RXFP4: variants seen among roughly 807,000 people sequenced by gnomAD.
The protein encoded by RXFP4 is relaxin family peptide/INSL5 receptor 4.
For synonymous variants in RXFP4, 182 were observed against 218.0 expected (o/e 0.83, Z 1.45); for missense variants, 425 against 491.3 (o/e 0.87, Z 1.28).
Position 155,942,839 on chromosome 1 carries a change from C to A in RXFP4, c.*5C>A, listed in dbSNP as rs1202052632. 1 of 1,503,346 alleles carries A rather than the reference C, an allele frequency of 6.7e-7. No individual in the cohort carries two copies. Among genetic ancestry groups the A allele is most frequent in the East Asian group, 2.3e-5 (1 of 43,796 alleles). 93.1% of individuals were successfully genotyped at this position (1,503,346 alleles called of 1,614,324 possible). ...GACAGAGGGACACCCGGGTGAAGGG[C>A]GCAAGCTGAACACACTCCTCTTTCT... On this transcript the variant is annotated 3_prime_UTR_variant, in exon 1 of 1. Coordinates refer to ENST00000368318, the MANE Select transcript of RXFP4 (RefSeq NM_181885.3). This position sits in a 1 kb window ranked among gnomAD's most constrained non-coding sequence, Gnocchi z 5.2.
Position 155,942,335 on chromosome 1 carries a change from T to C in RXFP4, c.626T>C (p.Val209Ala). 1 of 1,563,638 alleles carries C rather than the reference T, an allele frequency of 6.4e-7. No homozygotes were observed. Among genetic ancestry groups the C allele is most frequent in the Non-Finnish European group, 8.7e-7 (1 of 1,151,658 alleles). The change falls in exon 1 of 1, where the codon GTG (valine) becomes GCG (alanine). Residue 209 changes from valine to alanine, a missense_variant. Val to Ala is a moderately conservative substitution (Grantham distance 64). Transcript: ENST00000368318. This position sits in a 1 kb window ranked among gnomAD's most constrained non-coding sequence, Gnocchi z 5.2. ...CTGGGGGCCTACCAGCTGCAGAGGG[T>C]GGTGCTGGCTTTCATGGTGCCCTTG... ...YWLGAYQLQR[V>A]VLAFMVPLGV...
Position 155,941,987 on chromosome 1 carries a change from C to A in RXFP4, c.278C>A (p.Thr93Asn), listed in dbSNP as rs1327544871. 6.2e-7 allele frequency: 1 copy of A among 1,613,978 alleles called. No individual in the cohort carries two copies. Among genetic ancestry groups the A allele is most frequent in the Admixed American group, 1.7e-5 (1 of 60,032 alleles). The change falls in exon 1 of 1, where the codon ACT becomes AAT. Residue 93 changes from threonine to asparagine, a missense_variant. Physicochemically the swap from Thr to Asn is moderately conservative, Grantham distance 65. Coordinates refer to ENST00000368318, the MANE Select transcript of RXFP4 (RefSeq NM_181885.3). Reference sequence around the variant, plus strand: ...CTGGCGGACCTGGGACTGGCACTCACTCTCCCCTTTTGGGCAGCCGAGTCG... The same window carrying A: ...CTGGCGGACCTGGGACTGGCACTCAATCTCCCCTTTTGGGCAGCCGAGTCG... ...LALADLGLAL[T>N]LPFWAAESAL...
rs1336010975 is a variant in RXFP4 at position 155,941,696 on chromosome 1, T to C, written c.-14T>C. 6.2e-7 allele frequency: 1 copy of C among 1,610,884 alleles called. No individual in the cohort carries two copies. The highest frequency in any genetic ancestry group is 8.5e-7 in the Non-Finnish European group (1 of 1,177,812). On this transcript the variant is annotated 5_prime_UTR_variant, in exon 1 of 1. Transcript: ENST00000368318. Reference sequence around the variant, plus strand: ...ACCTCTCTTCTCAGCACCACCAATCTCTGATGCCCTGCGATGCCCACACTC... The same window carrying C: ...ACCTCTCTTCTCAGCACCACCAATCCCTGATGCCCTGCGATGCCCACACTC...
rs369923925 is a variant in RXFP4 at position 155,942,066 on chromosome 1, G to T, written c.357G>T (p.Thr119=). The T allele has an allele frequency of 6.2e-6, 10 of 1,611,066 alleles. No individual in the cohort carries two copies. The African/African-American group carries it at 1.2e-4, about 19-fold the overall frequency. The change falls in exon 1 of 1, where the codon ACG becomes ACT. Residue 119 remains threonine, a synonymous_variant. Transcript: ENST00000368318. The surrounding 1 kb of genome is among the most constrained non-coding windows in gnomAD (Gnocchi z 5.2). ...FGGALCKMVL[T]ATVLNVYASI... ...GTGCCCTCTGCAAGATGGTTCTGAC[G>T]GCCACTGTCCTCAACGTCTATGCCA... is the stretch of plus-strand genomic sequence containing the variant.
At position 155,941,733 on chromosome 1, in the gene RXFP4, C is replaced by G. The variant is rs758715606; in HGVS notation, c.24C>G (p.Ala8=). 6.2e-7 allele frequency: 1 copy of G among 1,614,180 alleles called. No homozygotes were observed. Among genetic ancestry groups the G allele is most frequent in the South Asian group, 1.1e-5 (1 of 91,088 alleles). MPTLNTS[A]SPPTFFWANA... Reference sequence around the variant, plus strand: ...CGATGCCCACACTCAATACTTCTGCCTCTCCACCCACATTCTTCTGGGCCA... The same window carrying G: ...CGATGCCCACACTCAATACTTCTGCGTCTCCACCCACATTCTTCTGGGCCA... The change falls in exon 1 of 1, where the codon GCC becomes GCG. Residue 8 remains alanine (A), a synonymous_variant. Transcript: ENST00000368318.
rs201264364 is a variant in RXFP4, at chr1:155,942,446, G to T, written c.737G>T (p.Arg246Leu). Residue 246 changes from arginine (R) to leucine (L), a missense_variant, in exon 1 of 1, where the codon CGC becomes CTC. Physicochemically the swap from Arg to Leu is moderately radical, Grantham distance 102 (BLOSUM62 -2). Transcript: ENST00000368318. The surrounding 1 kb of genome is among the most constrained non-coding windows in gnomAD (Gnocchi z 5.2). ...CGGCAGGACAGCAGGGTCGTGGCCC[G>T]CTCTGTCCGCATCCTGGTGGCTTCC... is the stretch of plus-strand genomic sequence containing the variant. ...RRRQDSRVVA[R>L]SVRILVASFF... is the part of the protein sequence containing the mutation. The T allele has an allele frequency of 6.3e-7, 1 of 1,583,882 alleles. No homozygotes were observed. The highest frequency in any genetic ancestry group is 1.7e-5 in the Admixed American group (1 of 58,384).
At position 155,942,429 on chromosome 1, in the gene RXFP4, C is replaced by G. The variant is rs1279643036; in HGVS notation, c.720C>G (p.Asp240Glu). 3 of 1,565,754 alleles carry G rather than the reference C, an allele frequency of 1.9e-6. No individual in the cohort carries two copies. Among genetic ancestry groups the G allele is most frequent in the Non-Finnish European group, 2.6e-6 (3 of 1,153,098 alleles). ...FLQRRQRRRQ[D>E]SRVVARSVRI... Reference sequence around the variant, plus strand: ...AGCGGCGGCAACGGCGGCGGCAGGACAGCAGGGTCGTGGCCCGCTCTGTCC... The same window carrying G: ...AGCGGCGGCAACGGCGGCGGCAGGAGAGCAGGGTCGTGGCCCGCTCTGTCC... Residue 240 changes from aspartate (D) to glutamate (E), a missense_variant, in exon 1 of 1, where the codon GAC becomes GAG. Coordinates refer to ENST00000368318, the MANE Select transcript of RXFP4 (RefSeq NM_181885.3). The surrounding 1 kb of genome is among the most constrained non-coding windows in gnomAD (Gnocchi z 5.2).
Position 155,942,236 on chromosome 1 carries a change from C to T in RXFP4, c.527C>T (p.Thr176Ile), listed in dbSNP as rs1218566562. Reference sequence around the variant, plus strand: ...GCGGCTGCCCTGGTGACGGTGCCCACAGCTGTCTTCGGGGTGGAGGGTGAG... The same window carrying T: ...GCGGCTGCCCTGGTGACGGTGCCCATAGCTGTCTTCGGGGTGGAGGGTGAG... ...WAAAALVTVP[T>I]AVFGVEGEVC... The change falls in exon 1 of 1, where the codon ACA (threonine) becomes ATA (isoleucine). Residue 176 changes from threonine (T) to isoleucine (I), a missense_variant. Coordinates refer to ENST00000368318, the MANE Select transcript of RXFP4 (RefSeq NM_181885.3). This position sits in a 1 kb window ranked among gnomAD's most constrained non-coding sequence, Gnocchi z 5.2. The T allele has an allele frequency of 1.2e-6, 2 of 1,613,708 alleles. No homozygotes were observed. Among genetic ancestry groups the T allele is most frequent in the Non-Finnish European group, 1.7e-6 (2 of 1,179,996 alleles).
chr1:155,941,860 G>T lies in RXFP4; in HGVS notation c.151G>T (p.Ala51Ser). ...MVALAYGLVG[A>S]IGLLGNLAVL... ...TGCCCTGGCCTATGGGCTTGTGGGG[G>T]CCATTGGCTTGCTGGGAAATTTGGC... The change falls in exon 1 of 1, where the codon GCC becomes TCC. Residue 51 changes from alanine (A) to serine (S), a missense_variant. Physicochemically the swap from Ala to Ser is moderately conservative, Grantham distance 99 (BLOSUM62 1). Coordinates refer to ENST00000368318, the MANE Select transcript of RXFP4 (RefSeq NM_181885.3). The T allele has an allele frequency of 6.2e-7, 1 of 1,614,204 alleles. No individual in the cohort carries two copies. Among genetic ancestry groups the T allele is most frequent in the South Asian group, 1.1e-5 (1 of 91,082 alleles).
In RXFP4 at chr1:155,942,007, G is replaced by A. The variant is rs371453354; in HGVS notation, c.298G>A (p.Glu100Lys). The A allele has an allele frequency of 1.6e-5, 26 of 1,613,060 alleles. No individual in the cohort carries two copies. Among genetic ancestry groups the A allele is most frequent in the East Asian group, 8.9e-5 (4 of 44,898 alleles). Residue 100 changes from glutamate to lysine, a missense_variant, in exon 1 of 1, where the codon GAG becomes AAG. Transcript: ENST00000368318. The surrounding 1 kb of genome is among the most constrained non-coding windows in gnomAD (Gnocchi z 5.2). ...ACTCACTCTCCCCTTTTGGGCAGCC[G>A]AGTCGGCACTGGACTTTCACTGGCC... ...LALTLPFWAA[E>K]SALDFHWPFG...
Position 155,942,107 on chromosome 1 carries a change from C to T in RXFP4, c.398C>T (p.Thr133Ile). ...GTCTATGCCAGCATCTTCCTCATCA[C>T]AGCGCTGAGCGTTGCTCGCTACTGG... ...LNVYASIFLI[T>I]ALSVARYWVV... is the part of the protein sequence containing the mutation. The change falls in exon 1 of 1, where the codon ACA (threonine) becomes ATA (isoleucine). Residue 133 changes from threonine (T) to isoleucine (I), a missense_variant. By Grantham distance (89) the Thr-to-Ile change is moderately conservative. Transcript: ENST00000368318. This position sits in a 1 kb window ranked among gnomAD's most constrained non-coding sequence, Gnocchi z 5.2. 6.2e-7 allele frequency: 1 copy of T among 1,612,722 alleles called. No homozygotes were observed. Among genetic ancestry groups the T allele is most frequent in the Non-Finnish European group, 8.5e-7 (1 of 1,179,844 alleles).
rs1572020349 is a variant in RXFP4 at position 155,942,731 on chromosome 1, A to G, written c.1022A>G (p.Gln341Arg). Reference sequence around the variant, plus strand: ...CCCCAGGGCGGAGGCTGGGTGCAACAGGTGGCCCTAAAGCAGGTAGGCAGG... The same window carrying G: ...CCCCAGGGCGGAGGCTGGGTGCAACGGGTGGCCCTAAAGCAGGTAGGCAGG... ...LWPQGGGWVQ[Q>R]VALKQVGRRW... Residue 341 changes from glutamine to arginine, a missense_variant, in exon 1 of 1, where the codon CAG becomes CGG. Gln to Arg is a conservative substitution (Grantham distance 43, BLOSUM62 1). Transcript: ENST00000368318. The surrounding 1 kb of genome is among the most constrained non-coding windows in gnomAD (Gnocchi z 5.2). 1 of 1,603,782 alleles carries G rather than the reference A, an allele frequency of 6.2e-7. No individual in the cohort carries two copies. The highest frequency in any genetic ancestry group is 2.2e-5 in the East Asian group (1 of 44,844).
rs773730817 is a variant in RXFP4, at chr1:155,942,228, G to A, written c.519G>A (p.Thr173=). The change falls in exon 1 of 1, where the codon ACG becomes ACA. Residue 173 remains threonine (T), a synonymous_variant. Coordinates refer to ENST00000368318, the MANE Select transcript of RXFP4 (RefSeq NM_181885.3). This position sits in a 1 kb window ranked among gnomAD's most constrained non-coding sequence, Gnocchi z 5.2. ...LAVWAAAALV[T]VPTAVFGVEG... Reference sequence around the variant, plus strand: ...TGTGGGCGGCGGCTGCCCTGGTGACGGTGCCCACAGCTGTCTTCGGGGTGG... The same window carrying A: ...TGTGGGCGGCGGCTGCCCTGGTGACAGTGCCCACAGCTGTCTTCGGGGTGG... The A allele has an allele frequency of 2.0e-5, 32 of 1,613,758 alleles. No individual in the cohort carries two copies. The highest frequency in any genetic ancestry group is 1.8e-4 in the Admixed American group (11 of 59,984).
rs1674334025 is a variant in RXFP4, at chr1:155,942,565, A to G, written c.856A>G (p.Ile286Val). 2 of 1,614,148 alleles carry G rather than the reference A, an allele frequency of 1.2e-6. No homozygotes were observed. Among genetic ancestry groups the G allele is most frequent in the South Asian group, 1.1e-5 (1 of 91,088 alleles). ...GCCCTGGAACAGTACTTTCTATACT[A>G]TCCAGACGTATGTCTTCCCTGTCAC... ...LVPWNSTFYT[I>V]QTYVFPVTTC... is the part of the protein sequence containing the mutation. Residue 286 changes from isoleucine (I) to valine (V), a missense_variant, in exon 1 of 1, where the codon ATC becomes GTC. Ile to Val is a conservative substitution (Grantham distance 29). Transcript: ENST00000368318. The surrounding 1 kb of genome is among the most constrained non-coding windows in gnomAD (Gnocchi z 5.2).
rs746068181 is a variant in RXFP4, at chr1:155,941,920, G to A, written c.211G>A (p.Ala71Thr). Residue 71 changes from alanine (A) to threonine (T), a missense_variant, in exon 1 of 1, where the codon GCC becomes ACC. By Grantham distance (58) the Ala-to-Thr change is moderately conservative. Transcript: ENST00000368318. The part of the protein sequence containing the change: ...LWVLSNCARR[A>T]PGPPSDTFVF... ...GGTACTGAGTAACTGTGCCCGGAGA[G>A]CCCCTGGCCCACCTTCAGACACCTT... 6.8e-6 allele frequency: 11 copies of A among 1,614,074 alleles called. No individual in the cohort carries two copies. The highest frequency in any genetic ancestry group is 9.3e-6 in the Non-Finnish European group (11 of 1,180,038).
chr1:155,942,959 C>A lies in RXFP4; in HGVS notation c.*125C>A. 1 of 947,420 alleles carries A rather than the reference C, an allele frequency of 1.1e-6. No homozygotes were observed. Among genetic ancestry groups the A allele is most frequent in the Non-Finnish European group, 1.5e-6 (1 of 673,084 alleles). 58.7% of individuals were successfully genotyped at this position (947,420 alleles called of 1,614,324 possible). On this transcript the variant is annotated 3_prime_UTR_variant, in exon 1 of 1. Coordinates refer to ENST00000368318, the MANE Select transcript of RXFP4 (RefSeq NM_181885.3). This position sits in a 1 kb window ranked among gnomAD's most constrained non-coding sequence, Gnocchi z 5.2. ...TCAGGGAAAAGTCTGATCTTTGATC[C>A]CCAACTCTGGGTGTGGTGAATGGGG...
Position 155,941,672 on chromosome 1 carries a change from C to G in RXFP4, c.-38C>G. ...TGCCAGTCTGGCAGACACTTGCAGACCTCTCTTCTCAGCACCACCAATCTC... is the reference window on the plus strand; with the variant it reads ...TGCCAGTCTGGCAGACACTTGCAGAGCTCTCTTCTCAGCACCACCAATCTC... On this transcript the variant is annotated 5_prime_UTR_variant, in exon 1 of 1. Coordinates refer to ENST00000368318, the MANE Select transcript of RXFP4 (RefSeq NM_181885.3). 1 of 1,595,678 alleles carries G rather than the reference C, an allele frequency of 6.3e-7. No homozygotes were observed. Among genetic ancestry groups the G allele is most frequent in the South Asian group, 1.1e-5 (1 of 88,550 alleles).
Position 155,942,027 on chromosome 1 carries a change from C to T in RXFP4, c.318C>T (p.His106=). Residue 106 remains histidine (H), a synonymous_variant, in exon 1 of 1, where the codon CAC becomes CAT. Coordinates refer to ENST00000368318, the MANE Select transcript of RXFP4 (RefSeq NM_181885.3). This position sits in a 1 kb window ranked among gnomAD's most constrained non-coding sequence, Gnocchi z 5.2. Reference sequence around the variant, plus strand: ...CAGCCGAGTCGGCACTGGACTTTCACTGGCCCTTCGGAGGTGCCCTCTGCA... The same window carrying T: ...CAGCCGAGTCGGCACTGGACTTTCATTGGCCCTTCGGAGGTGCCCTCTGCA... The part of the protein sequence containing the change: ...FWAAESALDF[H]WPFGGALCKM... 6.2e-7 allele frequency: 1 copy of T among 1,612,382 alleles called. No individual in the cohort carries two copies. Among genetic ancestry groups the T allele is most frequent in the Non-Finnish European group, 8.5e-7 (1 of 1,180,038 alleles).
rs753357570 is a variant in RXFP4, at chr1:155,941,915, G to A, written c.206G>A (p.Arg69Gln). The change falls in exon 1 of 1, where the codon CGG (arginine) becomes CAG (glutamine). Residue 69 changes from arginine to glutamine, a missense_variant. Coordinates refer to ENST00000368318, the MANE Select transcript of RXFP4 (RefSeq NM_181885.3). Reference protein sequence around the residue: ...AVLWVLSNCARRAPGPPSDTF... With the variant: ...AVLWVLSNCAQRAPGPPSDTF... Reference sequence around the variant, plus strand: ...CTGTGGGTACTGAGTAACTGTGCCCGGAGAGCCCCTGGCCCACCTTCAGAC... The same window carrying A: ...CTGTGGGTACTGAGTAACTGTGCCCAGAGAGCCCCTGGCCCACCTTCAGAC... 6.1e-5 allele frequency: 98 copies of A among 1,614,054 alleles called. No homozygotes were observed. The highest frequency in any genetic ancestry group is 2.6e-4 in the South Asian group (24 of 91,088).
Sources: allele counts gnomAD v4.1 joint callset, GRCh38; gene constraint gnomAD v4.1.1; non-coding constraint Gnocchi (gnomAD v3.1); transcripts MANE v1.5; gene names NCBI Gene and HGNC (gene_info 2026-07-23, HGNC 2026-07-21).